The following UNC5A variants were observed in gnomAD, a reference collection of about 807,000 sequenced individuals.
The protein encoded by UNC5A is unc-5 netrin receptor A, also known as netrin receptor UNC5A.
UNC5A carries 20 observed loss-of-function variants against 87.4 expected under a neutral mutation model. The ratio of observed to expected loss-of-function variants is 0.23; its 90% confidence interval spans 0.16 to 0.33. The LOEUF is 0.33. Among genes scored for constraint, UNC5A ranks in the 10% least tolerant of loss-of-function variants. The pLI is 1.00. For synonymous variants in UNC5A, 438 were observed against 482.3 expected, an observed-to-expected ratio of 0.91 and a Z score of 1.20; for missense variants, 844 against 1,133.4, an observed-to-expected ratio of 0.74 and a Z score of 3.67.
chr5:176,874,048 C>T lies in UNC5A; in HGVS notation c.967C>T (p.Leu323Phe), dbSNP rs779427791. The change falls in exon 7 of 15, where the codon CTC (leucine) becomes TTC (phenylalanine). Residue 323 changes from leucine to phenylalanine, a missense_variant. Around this residue, in one of 3 missense-constraint regions of UNC5A, gnomAD observed 314 missense variants for 466.5 expected, o/e 0.67. Transcript: ENST00000329542. This position sits in a 1 kb window ranked among gnomAD's most constrained non-coding sequence, Gnocchi z 7.6. ...AVCLVLLLLV[L>F]ILVYCRKKEG... is the part of the protein sequence containing the mutation. ...CTGCCTGGTCCTGCTGCTGCTTGTC[C>T]TCATCCTCGTTTATTGCCGGAAGAA... The T allele has an allele frequency of 5.6e-6, 9 of 1,614,128 alleles. No homozygotes were observed. The highest frequency in any genetic ancestry group is 2.5e-6 in the Non-Finnish European group (3 of 1,179,986).
Position 176,865,514 on chromosome 5 carries a change from T to C in UNC5A, c.293-2616T>C, listed in dbSNP as rs1757953214. The stretch of plus-strand genomic sequence containing the variant: ...CACGTCCCACCCGTAACCGCCAGGG[T>C]CCTCTTCTGCCCCGAGCATCCGACT... On this transcript the variant is annotated intron_variant, in intron 2 of 14. Transcript: ENST00000329542. This position sits in a 1 kb window ranked among gnomAD's most constrained non-coding sequence, Gnocchi z 5.3. The C allele has an allele frequency of 2.2e-6, 1 of 446,838 alleles. No homozygotes were observed. Among genetic ancestry groups the C allele is most frequent in the Non-Finnish European group, 4.5e-6 (1 of 220,410 alleles). The allele number at this position is 446,838 out of a possible 1,614,324, so 27.7% of individuals were successfully genotyped here. A position where few individuals can be genotyped will look rare whatever the true frequency, so the allele number is the denominator to read the frequency against.
rs186163151 is a variant in UNC5A at position 176,867,686 on chromosome 5, G to A, written c.293-444G>A. On this transcript the variant is annotated intron_variant, in intron 2 of 14. Coordinates refer to ENST00000329542, the MANE Select transcript of UNC5A (RefSeq NM_133369.3). ...CGTCAGGATCTATCTGCTAGCCCCC[G>A]AGGGAGGGGGCCAGATCCTTCCTCA... Among the ~76,000 whole-genome samples the A allele has an allele frequency of 1.7e-3, 259 of 152,260 alleles. 1 individual carries two copies. The highest frequency in any genetic ancestry group is 5.8e-3 in the African/African-American group (242 of 41,536).
intron 1 of UNC5A, among the ~76,000 whole-genome samples, chr5:176,819,987 G>T (rs1756689340): frequency 6.6e-6 from 1 of 152,266 alleles, no homozygotes; most frequent in African/African-American, 2.4e-5. Flanking sequence ...GCCAGGCCGG[G>T]CGCGGTGGCT....
intron 1 of UNC5A, among the ~76,000 whole-genome samples, chr5:176,842,209 A>T (rs564776277): frequency 3.3e-5 from 5 of 152,298 alleles, no homozygotes; most frequent in Non-Finnish European, 7.4e-5. Context: ...AACAAAACAA[A>T]ATCAAAAAAC....
intron 1 of UNC5A, among the ~76,000 whole-genome samples, chr5:176,811,858 T>C (rs1312926391): frequency 1.3e-5 from 2 of 152,090 alleles, no homozygotes; most frequent in Admixed American, 6.5e-5. Flanking sequence ...AGGCCGCTGC[T>C]TATAACAGGG....
At chr5:176,831,428 A>G (rs1378389483) in intron 1 of UNC5A, among the ~76,000 whole-genome samples, 1 of 152,152 alleles carries the variant, frequency 6.6e-6, no homozygotes, top group Non-Finnish European at 1.5e-5. Context: ...CAGCGGGGAT[A>G]CTGGCCTTCT....
rs532637889 is a variant in UNC5A at position 176,817,522 on chromosome 5, G to A, written c.70+6702G>A. On this transcript the variant is annotated intron_variant, in intron 1 of 14. Transcript: ENST00000329542. The stretch of plus-strand genomic sequence containing the variant: ...GGCAGGGACCCAGTGGAGCCGAGGG[G>A]CCAGTGGTTTTTCCCAGCTCTGCAT... Among the ~76,000 whole-genome samples, 183 of 152,268 alleles carry A rather than the reference G, an allele frequency of 1.2e-3. 1 individual carries two copies. Among genetic ancestry groups the A allele is most frequent in the African/African-American group, 4.4e-3 (181 of 41,548 alleles).
chr5:176,821,461 G>A (rs1422943823), intron 1 of UNC5A, among the ~76,000 whole-genome samples: 4 of 152,290 alleles, frequency 2.6e-5, no homozygotes, highest in Non-Finnish European at 2.9e-5. Flanking sequence ...CTGGAGGCCC[G>A]TCTTTGGTGT....
In UNC5A at chr5:176,831,588, C is replaced by T. The variant is rs572587637; in HGVS notation, c.70+20768C>T. 1.7e-3 allele frequency among the ~76,000 whole-genome samples: 252 copies of T among 152,346 alleles called. 1 individual carries two copies. The highest frequency in any genetic ancestry group is 5.7e-3 in the African/African-American group (236 of 41,590). On this transcript the variant is annotated intron_variant, in intron 1 of 14. Coordinates refer to ENST00000329542, the MANE Select transcript of UNC5A (RefSeq NM_133369.3). ...GCTGGTTTTCCCTGACAGGCCCTCT[C>T]GCCACCACTCGGCTCTGCTGTGCAC... is the stretch of plus-strand genomic sequence containing the variant.
intron 1 of UNC5A, among the ~76,000 whole-genome samples, chr5:176,836,989 A>G (rs1357226672): frequency 3.3e-5 from 5 of 152,186 alleles, no homozygotes; most frequent in Non-Finnish European, 7.3e-5. Flanking sequence ...GCCAGACGGA[A>G]CAACCTGATA....
intron 1 of UNC5A, among the ~76,000 whole-genome samples, chr5:176,819,801 C>T (rs1337327411): frequency 6.6e-6 from 1 of 152,238 alleles, no homozygotes. Context: ...TTTGCTACTC[C>T]TCTCAGCTTC....
Position 176,841,973 on chromosome 5 carries a change from G to A in UNC5A, c.71-20651G>A, listed in dbSNP as rs571086498. ...AGCACTTTGGGAGGCCGAGGTGGGCGGATCACGAGGTCAGGAGATCGAGAC... is the reference window on the plus strand; with the variant it reads ...AGCACTTTGGGAGGCCGAGGTGGGCAGATCACGAGGTCAGGAGATCGAGAC... On this transcript the variant is annotated intron_variant, in intron 1 of 14. Transcript: ENST00000329542. The surrounding 1 kb of genome is among the most constrained non-coding windows in gnomAD (Gnocchi z 4.1). Among the ~76,000 whole-genome samples the A allele has an allele frequency of 5.2e-4, 79 of 152,332 alleles. No homozygotes were observed. The highest frequency in any genetic ancestry group is 2.3e-3 in the South Asian group (11 of 4,826).
intron 1 of UNC5A, among the ~76,000 whole-genome samples, chr5:176,852,416 G>A (rs1247370228): frequency 2.0e-5 from 3 of 151,888 alleles, no homozygotes; most frequent in East Asian, 1.9e-4. Flanking sequence ...CACAGGCGCC[G>A]GCCAAGGATC....
Position 176,848,391 on chromosome 5 carries a change from C to A in UNC5A, c.71-14233C>A. Among the ~76,000 whole-genome samples the A allele has an allele frequency of 6.6e-6, 1 of 152,170 alleles. No homozygotes were observed. The highest frequency in any genetic ancestry group is 1.9e-4 in the East Asian group (1 of 5,192). Reference sequence around the variant, plus strand: ...CACTGAGGCCACCCCTCTCTTTCCTCCATGTTCCTCCAAGACCCTAGAGCC... The same window carrying A: ...CACTGAGGCCACCCCTCTCTTTCCTACATGTTCCTCCAAGACCCTAGAGCC... On this transcript the variant is annotated intron_variant, in intron 1 of 14. Transcript: ENST00000329542. This position sits in a 1 kb window ranked among gnomAD's most constrained non-coding sequence, Gnocchi z 5.8.
intron 1 of UNC5A, among the ~76,000 whole-genome samples, chr5:176,823,235 T>G (rs1756772405): frequency 6.8e-6 from 1 of 146,630 alleles, no homozygotes; most frequent in African/African-American, 2.5e-5. Context: ...CCTGGGGAAG[T>G]GATGTCAGAA....
In UNC5A at chr5:176,841,261, G is replaced by A. The variant is rs2113621510; in HGVS notation, c.71-21363G>A. Among the ~76,000 whole-genome samples the A allele has an allele frequency of 6.6e-6, 1 of 152,348 alleles. No individual in the cohort carries two copies. Among genetic ancestry groups the A allele is most frequent in the Non-Finnish European group, 1.5e-5 (1 of 68,044 alleles). ...CTCAGTGACACAGGTGATTGTGGGT[G>A]CCGTTTGCAGACAGAGCTGTGCCAG... On this transcript the variant is annotated intron_variant, in intron 1 of 14. Transcript: ENST00000329542. The surrounding 1 kb of genome is among the most constrained non-coding windows in gnomAD (Gnocchi z 4.1).
In UNC5A at chr5:176,875,832, C is replaced by T. The variant is rs191896492; in HGVS notation, c.1378+1266C>T. ...ATGCACCGACCCCCTGCCCCTCCCA[C>T]CAGCTCAGCTGGGACTTCTCTTTTG... On this transcript the variant is annotated intron_variant, in intron 8 of 14. Transcript: ENST00000329542. This position sits in a 1 kb window ranked among gnomAD's most constrained non-coding sequence, Gnocchi z 5.2. 2.8e-3 allele frequency among the ~76,000 whole-genome samples: 432 copies of T among 152,368 alleles called. 1 individual carries two copies. Among genetic ancestry groups the T allele is most frequent in the African/African-American group, 9.9e-3 (413 of 41,590 alleles).
chr5:176,834,181 C>A (rs1757093873), intron 1 of UNC5A, among the ~76,000 whole-genome samples: 1 of 152,102 alleles, frequency 6.6e-6, no homozygotes, highest in Non-Finnish European at 1.5e-5. Context: ...CACCAGTGAA[C>A]CAATGAAGAA....
intron 1 of UNC5A, among the ~76,000 whole-genome samples, chr5:176,846,829 G>A (rs78668741): frequency 0.074 from 11,284 of 152,234 alleles, 1,009 homozygotes; most frequent in African/African-American, 0.21. Flanking sequence ...GAGGGAGCTG[G>A]GGCTGCTGGG....
Sources: allele counts gnomAD v4.1 joint callset (sites outside exome capture counted in the v4.1 genomes callset), GRCh38; gene constraint gnomAD v4.1.1; regional missense constraint gnomAD v4.1.1; non-coding constraint Gnocchi (gnomAD v3.1); transcripts MANE v1.5; gene names NCBI Gene and HGNC (gene_info 2026-07-23, HGNC 2026-07-21).